Variants in SUPT3H observed in about 807,000 individuals in gnomAD.
The protein encoded by SUPT3H is transcription initiation protein SPT3 homolog.
In SUPT3H, 44 loss-of-function variants were observed where a neutral mutation model predicts 44.3. The observed-to-expected ratio is 0.99, with a 90% CI of 0.78 to 1.28. The LOEUF (loss-of-function observed/expected upper bound fraction) is 1.28. Ranked by LOEUF, SUPT3H falls within the 50% of genes most tolerant of loss-of-function variation. The probability of loss-of-function intolerance (pLI) is 0.00; values close to 1 mark genes in which losing one functional copy is unlikely to be tolerated. For synonymous variants in SUPT3H, 124 were observed against 125.6 expected (o/e 0.99, Z 0.09); for missense variants, 380 against 387.1 (o/e 0.98, Z 0.15).
chr6:45,052,800 A>G lies in SUPT3H; in HGVS notation c.187-32168T>C, dbSNP rs539084732. On this transcript the variant is annotated intron_variant, in intron 3 of 10. Transcript: ENST00000371459. ...AAAATGTGGTCCTTACCTTAGGTAG[A>G]TCATAGTTTAATGGGCAAGACAGAC... 6.8e-4 allele frequency among the ~76,000 whole-genome samples: 103 copies of G among 152,280 alleles called. 1 individual carries two copies. Among genetic ancestry groups the G allele is most frequent in the South Asian group, 2.9e-3 (14 of 4,824 alleles).
At chr6:45,037,875 A>C (rs9472426) in intron 3 of SUPT3H, among the ~76,000 whole-genome samples, 147,227 of 151,688 alleles carry the variant, frequency 0.97, 71,476 homozygotes, top group East Asian at 1. Flanking sequence ...ATTTTCTATA[A>C]CTTTCTGTAT....
chr6:45,060,255 G>A (rs1180365485), intron 3 of SUPT3H, among the ~76,000 whole-genome samples: 1 of 152,000 alleles, frequency 6.6e-6, no homozygotes, highest in Admixed American at 6.6e-5. Context: ...CAGATGCATA[G>A]ACTAATGGAA....
chr6:45,154,090 C>G (rs1468155151), intron 2 of SUPT3H, among the ~76,000 whole-genome samples: 1 of 36,410 alleles, frequency 2.7e-5, no homozygotes, highest in Non-Finnish European at 7.8e-5. Flanking sequence ...AAAAAAAAAG[C>G]GCTTAGTCCT....
At chr6:45,207,314 C>CA (rs2153628809) in intron 2 of SUPT3H, among the ~76,000 whole-genome samples, 1 of 152,086 alleles carries the variant, frequency 6.6e-6, no homozygotes, top group East Asian at 1.9e-4. Context: ...CTGGATTTAG[C>CA]AATATAAAGG....
intron 3 of SUPT3H, among the ~76,000 whole-genome samples, chr6:45,054,480 A>C (rs1252211451): frequency 1.3e-5 from 2 of 152,102 alleles, no homozygotes; most frequent in African/African-American, 4.8e-5. Flanking sequence ...TAGTTTTTCC[A>C]GTTTCTTTAG....
intron 2 of SUPT3H, among the ~76,000 whole-genome samples, chr6:45,139,693 G>A (rs1021162635): frequency 3.9e-5 from 6 of 152,124 alleles, no homozygotes; most frequent in African/African-American, 1.4e-4. Flanking sequence ...GGAGCCACAC[G>A]AAATATAAAA....
chr6:45,367,145 G>T (rs1795268080), intron 1 of SUPT3H, among the ~76,000 whole-genome samples: 1 of 152,132 alleles, frequency 6.6e-6, no homozygotes, highest in Non-Finnish European at 1.5e-5. Flanking sequence ...TCTAAGGCAA[G>T]CAGCACACTA....
At chr6:44,905,733 C>A (rs902230458) in intron 10 of SUPT3H, among the ~76,000 whole-genome samples, 1 of 152,112 alleles carries the variant, frequency 6.6e-6, no homozygotes, top group African/African-American at 2.4e-5. Context: ...ATGTTTATTG[C>A]GGCACTATTC....
At position 45,130,696 on chromosome 6, in the gene SUPT3H, ACAAAAAAAAAAAC is replaced by A. The variant is rs1315616554; in HGVS notation, c.102-24703_102-24691del. Among the ~76,000 whole-genome samples the A allele has an allele frequency of 4.7e-3, 656 of 138,792 alleles. 6 individuals carry two copies. Among genetic ancestry groups the A allele is most frequent in the Non-Finnish European group, 7.0e-3 (445 of 63,416 alleles). The allele number at this position is 138,792 out of a possible 152,430, so 91.1% of individuals were successfully genotyped here. On this transcript the variant is annotated intron_variant, in intron 2 of 10. Coordinates refer to ENST00000371459, the MANE Select transcript of SUPT3H (RefSeq NM_003599.4). ...AAAAAGACAAAGGTAAAAAAAAAAA[ACAAAAAAAAAAAC>A]CACTTTTTTTTTTTTTTTTTTTTTT...
intron 3 of SUPT3H, among the ~76,000 whole-genome samples, chr6:45,023,803 A>T (rs1460207295): frequency 1.3e-5 from 2 of 152,192 alleles, no homozygotes; most frequent in Non-Finnish European, 2.9e-5. Context: ...ACTCTTGGGT[A>T]GTGGGCTTAA....
At chr6:44,848,424 C>T (rs1172591606) in intron 10 of SUPT3H, among the ~76,000 whole-genome samples, 1 of 152,180 alleles carries the variant, frequency 6.6e-6, no homozygotes, top group Non-Finnish European at 1.5e-5. Flanking sequence ...TGACAGGCCC[C>T]AGGCATCAAT....
chr6:45,062,005 G>C (rs765112338), intron 3 of SUPT3H, among the ~76,000 whole-genome samples: 5 of 145,912 alleles, frequency 3.4e-5, no homozygotes, highest in South Asian at 2.2e-4. Flanking sequence ...ATTAAAATTA[G>C]TGTTATTTAA....
Position 45,338,315 on chromosome 6 carries a change from C to T in SUPT3H, c.101+26886G>A, listed in dbSNP as rs573213581. The stretch of plus-strand genomic sequence containing the variant: ...TTGTTCTCTCAAAAAAGGCAAACAA[C>T]TTTTGAGCATTTCCAGATGTAGCTC... On this transcript the variant is annotated intron_variant, in intron 2 of 10. Transcript: ENST00000371459. Among the ~76,000 whole-genome samples the T allele has an allele frequency of 1.9e-3, 280 of 151,320 alleles. 1 individual carries two copies. Among genetic ancestry groups the T allele is most frequent in the African/African-American group, 6.3e-3 (259 of 41,384 alleles).
At chr6:45,175,420 G>A (rs896775263) in intron 2 of SUPT3H, among the ~76,000 whole-genome samples, 8 of 152,118 alleles carry the variant, frequency 5.3e-5, no homozygotes, top group Non-Finnish European at 1.2e-4. Flanking sequence ...TGAGCAAAGG[G>A]GGATCACGAG....
intron 10 of SUPT3H, 107 bp downstream of exon 10, chr6:44,932,546 A>G (rs1387422659): frequency 2.8e-6 from 2 of 711,772 alleles, no homozygotes; most frequent in Non-Finnish European, 4.4e-6. Context: ...AATTACAGTC[A>G]CCACAAATTG....
intron 2 of SUPT3H, among the ~76,000 whole-genome samples, chr6:45,312,834 C>T (rs1024212262): frequency 2.6e-5 from 4 of 152,048 alleles, no homozygotes; most frequent in Non-Finnish European, 5.9e-5. Flanking sequence ...CTGCAGAATA[C>T]ACATTCTATT....
intron 2 of SUPT3H, among the ~76,000 whole-genome samples, chr6:45,185,594 C>T (rs890548588): frequency 1.3e-5 from 2 of 152,180 alleles, no homozygotes; most frequent in African/African-American, 4.8e-5. Context: ...AATCAGAATT[C>T]ACCAGCCCCT....
At chr6:45,256,359 A>G (rs1172289288) in intron 2 of SUPT3H, among the ~76,000 whole-genome samples, 1 of 152,092 alleles carries the variant, frequency 6.6e-6, no homozygotes, top group African/African-American at 2.4e-5. Flanking sequence ...GTGAGGGCCT[A>G]TTCCCCATGA....
intron 3 of SUPT3H, chr6:45,098,867 C>T (rs1185786071): frequency 1.1e-5 from 6 of 548,698 alleles, no homozygotes; most frequent in Non-Finnish European, 2.2e-5. Flanking sequence ...GCTGAGAAGT[C>T]CTTTGATAAG....
Sources: gnomAD v4.1 joint callset for allele counts (sites outside exome capture counted in the v4.1 genomes callset) on GRCh38, gnomAD v4.1.1 for gene constraint, MANE v1.5 for transcripts, NCBI Gene and HGNC (gene_info 2026-07-23, HGNC 2026-07-21) for gene names.